RIMS2: variants seen among roughly 807,000 people sequenced by gnomAD.
RIMS2 encodes the protein regulating synaptic membrane exocytosis protein 2.
A neutral mutation model predicts 174.4 loss-of-function variants in RIMS2; 59 were observed. The observed-to-expected ratio is 0.34, with a 90% CI of 0.27 to 0.42. The LOEUF (loss-of-function observed/expected upper bound fraction) is 0.42. Ranked by LOEUF, RIMS2 falls within the 10% of genes least tolerant of loss-of-function variation. RIMS2 has a pLI of 1.00. For missense variants in RIMS2, 1,620 were observed against 1,666.3 expected (o/e 0.97, Z 0.48); for synonymous variants, 606 against 572.5 (o/e 1.06, Z -0.84).
chr8:103,515,264 C>G (rs1828454568), intron 1 of RIMS2, among the ~76,000 whole-genome samples: 2 of 152,176 alleles, frequency 1.3e-5, no homozygotes, highest in Admixed American at 6.5e-5. Flanking sequence ...ACTTTAACCT[C>G]ACTATTCTGG....
chr8:103,522,483 A>G (rs768360832), intron 1 of RIMS2, among the ~76,000 whole-genome samples: 2 of 152,116 alleles, frequency 1.3e-5, no homozygotes, highest in Non-Finnish European at 2.9e-5. Context: ...GTGGCAGTGC[A>G]GTTTCTATTT....
chr8:103,869,369 T>C (rs1178913927), intron 3 of RIMS2, among the ~76,000 whole-genome samples: 1 of 151,812 alleles, frequency 6.6e-6, no homozygotes, highest in Admixed American at 6.6e-5. Context: ...CTAATTTTTT[T>C]ATTTTTAGTA....
chr8:104,225,026 T>C (rs117742188), intron 19 of RIMS2, among the ~76,000 whole-genome samples: 4,241 of 152,332 alleles, frequency 0.028, 103 homozygotes, highest in Non-Finnish European at 0.044. Context: ...TTGCTTCCTA[T>C]AATTAAATAT....
At chr8:103,682,832 T>G (rs1295597616) in intron 1 of RIMS2, among the ~76,000 whole-genome samples, 3 of 152,216 alleles carry the variant, frequency 2.0e-5, no homozygotes, top group African/African-American at 4.8e-5. Flanking sequence ...AGCTTCTGTA[T>G]CTCTGTTCTT....
At chr8:103,610,121 G>C (rs978325704) in intron 1 of RIMS2, among the ~76,000 whole-genome samples, 1 of 151,962 alleles carries the variant, frequency 6.6e-6, no homozygotes, top group South Asian at 2.1e-4. Flanking sequence ...TTCTTAATTT[G>C]GCTCTCTGCT....
intron 19 of RIMS2, among the ~76,000 whole-genome samples, chr8:104,139,667 T>C (rs1278473278): frequency 6.6e-6 from 1 of 152,162 alleles, no homozygotes; most frequent in Non-Finnish European, 1.5e-5. Context: ...TTTGGTGTAG[T>C]CTTTAGGTTT....
intron 19 of RIMS2, among the ~76,000 whole-genome samples, chr8:104,174,255 T>A (rs1192744549): frequency 6.6e-6 from 1 of 152,136 alleles, no homozygotes; most frequent in Non-Finnish European, 1.5e-5. Context: ...CCCTAAAGGA[T>A]CATTTTAACC....
chr8:103,605,288 A>T (rs1032886412), intron 1 of RIMS2, among the ~76,000 whole-genome samples: 1 of 144,112 alleles, frequency 6.9e-6, no homozygotes, highest in African/African-American at 2.7e-5. Flanking sequence ...CTCTGTTTGT[A>T]TGCTGGATTA....
At chr8:104,026,695 C>T (rs1339030976) in intron 19 of RIMS2, among the ~76,000 whole-genome samples, 1 of 152,046 alleles carries the variant, frequency 6.6e-6, no homozygotes, top group East Asian at 1.9e-4. Context: ...TACAAAGGAA[C>T]CAAAAGTGAT....
chr8:104,235,016 G>C (rs535079626), intron 19 of RIMS2, among the ~76,000 whole-genome samples: 1 of 152,212 alleles, frequency 6.6e-6, no homozygotes, highest in East Asian at 1.9e-4. Context: ...GGGAATAACT[G>C]TTTCTAGCAC....
chr8:103,876,457 T>C (rs28569274), intron 3 of RIMS2, among the ~76,000 whole-genome samples: 9,599 of 151,830 alleles, frequency 0.063, 329 homozygotes, highest in Non-Finnish European at 0.071. Flanking sequence ...TTAAATTTTT[T>C]GTTTCCGTAG....
chr8:103,647,131 A>G (rs896722468), intron 1 of RIMS2, among the ~76,000 whole-genome samples: 1 of 152,160 alleles, frequency 6.6e-6, no homozygotes, highest in Non-Finnish European at 1.5e-5. Flanking sequence ...GAAGAGTTAC[A>G]TTTATTTATT....
chr8:103,882,336 A>G (rs1462072663), intron 3 of RIMS2, among the ~76,000 whole-genome samples: 1 of 151,602 alleles, frequency 6.6e-6, no homozygotes, highest in African/African-American at 2.4e-5. Flanking sequence ...AAAGGACAGT[A>G]TATATGAAGT....
Position 103,585,240 on chromosome 8 carries a change from C to T in RIMS2, c.176+84178C>T, listed in dbSNP as rs553285503. The stretch of plus-strand genomic sequence containing the variant: ...CGATTATTAAAAAGTCAGGAAACAA[C>T]AAATGCTGGTGAGGCTGTGGAGAAA... On this transcript the variant is annotated intron_variant, in intron 1 of 23. Coordinates refer to ENST00000504942, the Ensembl canonical transcript of RIMS2. 1.1e-4 allele frequency among the ~76,000 whole-genome samples: 16 copies of T among 152,232 alleles called. No homozygotes were observed. In the East Asian group the frequency reaches 2.7e-3, roughly 26 times the overall value.
intron 16 of RIMS2, 42 bp from the exon 19 acceptor site, chr8:103,989,263 C>T: frequency 1.7e-6 from 2 of 1,168,870 alleles, no homozygotes; most frequent in Non-Finnish European, 2.6e-6. Flanking sequence ...CTTAGTGTTT[C>T]AAATGGTTTA....
intron 19 of RIMS2, chr8:104,223,822 GTC>G (rs1389842062): frequency 6.4e-7 from 1 of 1,572,762 alleles, no homozygotes; most frequent in African/African-American, 1.3e-5. Context: ...CGTAGTTGGT[GTC>G]TCTATCTGTT....
intron 19 of RIMS2, among the ~76,000 whole-genome samples, chr8:104,231,177 A>T (rs2099226070): frequency 6.6e-6 from 1 of 151,912 alleles, no homozygotes. Context: ...ATAACCCCCC[A>T]ACCTGCTCTC....
chr8:104,019,554 A>G (rs1470516912), intron 19 of RIMS2, among the ~76,000 whole-genome samples: 1 of 152,168 alleles, frequency 6.6e-6, no homozygotes, highest in Non-Finnish European at 1.5e-5. Context: ...AGCTACTAGA[A>G]TTACTCATTA....
intron 1 of RIMS2, among the ~76,000 whole-genome samples, chr8:103,687,552 T>C (rs1483471515): frequency 2.0e-5 from 3 of 152,124 alleles, no homozygotes; most frequent in Non-Finnish European, 2.9e-5. Flanking sequence ...TACCCTCTTA[T>C]GATTTTCAAA....
Sources: allele counts gnomAD v4.1 joint callset (sites outside exome capture counted in the v4.1 genomes callset), GRCh38; gene constraint gnomAD v4.1.1; transcripts MANE v1.5; gene names NCBI Gene and HGNC (gene_info 2026-07-23, HGNC 2026-07-21).